CCDC3: variants seen among roughly 807,000 people sequenced by gnomAD.
The protein encoded by CCDC3 is coiled-coil domain containing 3.
In CCDC3, 24 loss-of-function variants were observed where a neutral mutation model predicts 21.4. The observed-to-expected ratio is 1.12, with a 90% CI of 0.81 to 1.58. The LOEUF (loss-of-function observed/expected upper bound fraction) is 1.58. Among genes scored for constraint, CCDC3 ranks in the 40% most tolerant of loss-of-function variants. The pLI, the probability that CCDC3 is intolerant of heterozygous loss-of-function variation, is 0.00. For missense variants in CCDC3, 425 were observed against 360.9 expected (o/e 1.18, Z -1.44); for synonymous variants, 186 against 166.0 (o/e 1.12, Z -0.93).
intron 3 of CCDC3, among the ~76,000 whole-genome samples, chr10:13,092,252 T>C (rs1832580995): frequency 6.6e-6 from 1 of 152,222 alleles, no homozygotes; most frequent in South Asian, 2.1e-4. Context: ...GAGACTCTTC[T>C]CTTGTTTCTA....
chr10:13,067,266 C>T (rs1433934778), intron 4 of CCDC3, among the ~76,000 whole-genome samples: 7 of 152,196 alleles, frequency 4.6e-5, no homozygotes, highest in Non-Finnish European at 7.3e-5. Context: ...AAGTTTCTCT[C>T]CCTGTCGGAG....
intron 5 of CCDC3, among the ~76,000 whole-genome samples, chr10:13,041,081 T>C (rs569200176): frequency 1.3e-5 from 2 of 152,288 alleles, no homozygotes; most frequent in East Asian, 1.9e-4. Context: ...TTTTCCAATA[T>C]GTACGTCTAG....
intron 2 of CCDC3, among the ~76,000 whole-genome samples, chr10:12,959,924 C>T (rs1835153133): frequency 6.6e-6 from 1 of 152,186 alleles, no homozygotes; most frequent in South Asian, 2.1e-4. Flanking sequence ...GAGGCTGAAG[C>T]AAGCGGATAA....
At chr10:13,045,040 T>C (rs1282612781) in intron 5 of CCDC3, among the ~76,000 whole-genome samples, 4 of 152,198 alleles carry the variant, frequency 2.6e-5, no homozygotes, top group Non-Finnish European at 5.9e-5. Context: ...TCAAACATAA[T>C]TCAATTTAAA....
At chr10:12,921,630 A>C (rs923621846) in intron 2 of CCDC3, among the ~76,000 whole-genome samples, 5 of 152,256 alleles carry the variant, frequency 3.3e-5, no homozygotes, top group Admixed American at 1.3e-4. Context: ...TGTTAAGTAC[A>C]ATTACATTGT....
intron 2 of CCDC3, among the ~76,000 whole-genome samples, chr10:12,910,596 A>C (rs1834255236): frequency 1.1e-5 from 1 of 90,334 alleles, no homozygotes; most frequent in African/African-American, 5.3e-5. Context: ...AGTCAGAGCA[A>C]AAAAAAAAAA....
At chr10:12,900,779 G>A (rs1588996239) in intron 2 of CCDC3, among the ~76,000 whole-genome samples, 1 of 151,818 alleles carries the variant, frequency 6.6e-6, no homozygotes, top group African/African-American at 2.4e-5. Flanking sequence ...AGACCCTGAG[G>A]CCAGGCTGCT....
intron 3 of CCDC3, among the ~76,000 whole-genome samples, chr10:13,089,545 T>C (rs1837153666): frequency 1.3e-5 from 2 of 152,110 alleles, no homozygotes; most frequent in African/African-American, 4.8e-5. Context: ...TTCGGGGACA[T>C]TGCTCTCTCC....
chr10:13,031,520 A>G (rs1836300274), intron 5 of CCDC3, among the ~76,000 whole-genome samples: 1 of 152,208 alleles, frequency 6.6e-6, no homozygotes, highest in Admixed American at 6.5e-5. Flanking sequence ...GGAGATAGAG[A>G]CACAAAAAAA....
chr10:13,031,663 C>G (rs1427372517), intron 5 of CCDC3, among the ~76,000 whole-genome samples: 4 of 152,030 alleles, frequency 2.6e-5, no homozygotes, highest in Admixed American at 6.6e-5. Context: ...GGGGGTATCA[C>G]CACCAATCCC....
intron 2 of CCDC3, among the ~76,000 whole-genome samples, chr10:12,958,410 A>G (rs1266429463): frequency 6.6e-6 from 1 of 152,084 alleles, no homozygotes; most frequent in African/African-American, 2.4e-5. Flanking sequence ...CCAATCCCAG[A>G]CCCATGCCAC....
intron 2 of CCDC3, among the ~76,000 whole-genome samples, chr10:12,996,147 G>A (rs1835758679): frequency 6.6e-6 from 1 of 152,108 alleles, no homozygotes; most frequent in Non-Finnish European, 1.5e-5. Context: ...AGACTTGCTG[G>A]GTCCAACTCA....
At chr10:12,955,039 G>A (rs2254322) in intron 2 of CCDC3, among the ~76,000 whole-genome samples, 150,077 of 152,242 alleles carry the variant, frequency 0.99, 74,002 homozygotes, top group Non-Finnish European at 1. Context: ...CACTTCACAC[G>A]ATCATCACAC....
At chr10:12,898,884 G>C (rs906916272) in intron 2 of CCDC3, among the ~76,000 whole-genome samples, 2 of 152,156 alleles carry the variant, frequency 1.3e-5, no homozygotes, top group African/African-American at 2.4e-5. Flanking sequence ...CTCAAATACA[G>C]AGCCCCCGTT....
At chr10:12,965,839 C>T (rs569322374) in intron 2 of CCDC3, among the ~76,000 whole-genome samples, 2 of 152,288 alleles carry the variant, frequency 1.3e-5, no homozygotes, top group South Asian at 2.1e-4. Flanking sequence ...GACATACACA[C>T]GTTGTAAATG....
At chr10:13,007,986 G>A (rs748534217) in intron 5 of CCDC3, among the ~76,000 whole-genome samples, 5 of 152,176 alleles carry the variant, frequency 3.3e-5, no homozygotes, top group Non-Finnish European at 7.3e-5. Flanking sequence ...ACCACAAGGG[G>A]TGAGGGCATC....
chr10:12,937,027 G>T (rs748986764), intron 2 of CCDC3, among the ~76,000 whole-genome samples: 5 of 152,144 alleles, frequency 3.3e-5, no homozygotes, highest in Non-Finnish European at 5.9e-5. Flanking sequence ...ACAGTTACTT[G>T]TAGGACCTGG....
At chr10:12,936,329 C>G (rs563917886) in intron 2 of CCDC3, among the ~76,000 whole-genome samples, 1 of 151,944 alleles carries the variant, frequency 6.6e-6, no homozygotes, top group South Asian at 2.1e-4. Context: ...TATATTTTTG[C>G]CTGTATATGT....
At chr10:13,077,468 T>C (rs949539311) in intron 3 of CCDC3, among the ~76,000 whole-genome samples, 44 of 152,256 alleles carry the variant, frequency 2.9e-4, no homozygotes, top group African/African-American at 1.0e-3. Context: ...CCATCCCCAT[T>C]AAGCTACCAA....
Sources: gnomAD v4.1 joint callset for allele counts (sites outside exome capture counted in the v4.1 genomes callset) on GRCh38, gnomAD v4.1.1 for gene constraint, MANE v1.5 for transcripts, NCBI Gene and HGNC (gene_info 2026-07-23, HGNC 2026-07-21) for gene names.